ATP10A: variants seen among roughly 807,000 people sequenced by gnomAD.
ATP10A encodes the protein phospholipid-transporting ATPase VA.
A neutral mutation model predicts 147.8 loss-of-function variants in ATP10A; 111 were observed. That is an observed-to-expected ratio of 0.75 (90% confidence interval 0.64 to 0.88). The LOEUF is 0.88. Ranked by LOEUF, ATP10A falls within the 40% of genes least tolerant of loss-of-function variation. The pLI, the probability that ATP10A is intolerant of heterozygous loss-of-function variation, is 0.00. For missense variants in ATP10A, 1,927 were observed against 1,959.0 expected, an observed-to-expected ratio of 0.98 and a Z score of 0.31; for synonymous variants, 875 against 841.6, an observed-to-expected ratio of 1.04 and a Z score of -0.69.
At chr15:25,837,507 C>A (rs372605724) in intron 1 of ATP10A, among the ~76,000 whole-genome samples, 1 of 152,108 alleles carries the variant, frequency 6.6e-6, no homozygotes, top group East Asian at 1.9e-4. Flanking sequence ...GGGAGAAATG[C>A]GGAGACGGTA....
rs546629204 is a variant in ATP10A at position 25,809,258 on chromosome 15, C to T, written c.450-28035G>A. Among the ~76,000 whole-genome samples, 3 of 152,158 alleles carry T rather than the reference C, an allele frequency of 2.0e-5. No individual in the cohort carries two copies. In the East Asian group the frequency reaches 5.8e-4, roughly 30 times the overall value. ...GCCCTGCAGGATGTCACATGAAGAG[C>T]CCATGAGATGGGAGAGAGGAGCATA... On this transcript the variant is annotated intron_variant, in intron 1 of 20. Transcript: ENST00000555815.
downstream of ATP10A, chr15:25,678,011 G>C (rs567367664): frequency 6.6e-6 from 1 of 152,312 alleles, no homozygotes; most frequent in East Asian, 1.9e-4. Flanking sequence ...AAGCATCCCC[G>C]TGAACAGAGG....
At chr15:25,788,233 G>T (rs945918855) in intron 1 of ATP10A, among the ~76,000 whole-genome samples, 3 of 152,230 alleles carry the variant, frequency 2.0e-5, no homozygotes, top group Admixed American at 6.5e-5. Context: ...TAACGAGGGT[G>T]CTTCACATCT....
chr15:25,849,113 A>T (rs962960016), intron 1 of ATP10A, among the ~76,000 whole-genome samples: 1 of 151,896 alleles, frequency 6.6e-6, no homozygotes, highest in African/African-American at 2.4e-5. Flanking sequence ...AAGCAGGTTT[A>T]GAATCCATTA....
chr15:25,714,329 C>T (rs1014851539), intron 9 of ATP10A, 88 bp from the exon 10 acceptor site: 90 of 1,252,282 alleles, frequency 7.2e-5, no homozygotes, highest in Admixed American at 4.8e-4. Flanking sequence ...GCTCCAGGCA[C>T]TTGGAGGAAC....
At chr15:25,842,370 T>C (rs1168497155) in intron 1 of ATP10A, among the ~76,000 whole-genome samples, 1 of 152,200 alleles carries the variant, frequency 6.6e-6, no homozygotes, top group Non-Finnish European at 1.5e-5. Flanking sequence ...CCTCATGTCC[T>C]GAGGCCCCAG....
chr15:25,836,076 G>C (rs766700617), intron 1 of ATP10A, among the ~76,000 whole-genome samples: 2 of 152,202 alleles, frequency 1.3e-5, no homozygotes, highest in East Asian at 1.9e-4. Context: ...GGCTCCCAAA[G>C]TGCTGGGATT....
intron 1 of ATP10A, among the ~76,000 whole-genome samples, chr15:25,823,125 T>C (rs1443983615): frequency 6.6e-6 from 1 of 152,144 alleles, no homozygotes; most frequent in Non-Finnish European, 1.5e-5. Context: ...AAACAGAAAC[T>C]GGGGTTTGGG....
chr15:25,681,001 G>A lies in ATP10A; in HGVS notation c.3566C>T (p.Pro1189Leu). ...AFQSLVCFSIPYLAYYDSNVD... is the reference protein window; with the variant it reads ...AFQSLVCFSILYLAYYDSNVD... ...ACCCAGGGGCCAACTTACCAGGTAA[G>A]GAATGGAAAAGCAAACCAGGCTCTG... The change falls in exon 18 of 21, where the codon CCT (proline) becomes CTT (leucine). Residue 1189 changes from proline (P) to leucine (L), a missense_variant. Coordinates refer to ENST00000555815, the MANE Select transcript of ATP10A (RefSeq NM_024490.4). 1 of 1,614,132 alleles carries A rather than the reference G, an allele frequency of 6.2e-7. No individual in the cohort carries two copies. The highest frequency in any genetic ancestry group is 8.5e-7 in the Non-Finnish European group (1 of 1,180,012).
At chr15:25,840,213 C>T (rs1327824098) in intron 1 of ATP10A, among the ~76,000 whole-genome samples, 1 of 152,146 alleles carries the variant, frequency 6.6e-6, no homozygotes, top group East Asian at 1.9e-4. Flanking sequence ...ACACAGGTAA[C>T]AAACCTATGC....
intron 12 of ATP10A, among the ~76,000 whole-genome samples, chr15:25,705,372 C>T (rs575214598): frequency 4.0e-5 from 6 of 150,298 alleles, no homozygotes; most frequent in African/African-American, 1.5e-4. Flanking sequence ...GAAATTTGAG[C>T]TCACAATGTG....
intron 1 of ATP10A, chr15:25,861,912 CG>C (rs1268062544): frequency 4.4e-6 from 1 of 226,142 alleles, no homozygotes; most frequent in African/African-American, 2.4e-5. Flanking sequence ...ACAGGTCCGC[CG>C]GAGACTCTAA....
chr15:25,703,080 G>A (rs1040186692), intron 12 of ATP10A, among the ~76,000 whole-genome samples: 5 of 152,200 alleles, frequency 3.3e-5, no homozygotes, highest in African/African-American at 4.8e-5. Flanking sequence ...CACTGGGGTC[G>A]GGCGCGGTGG....
At position 25,723,873 on chromosome 15, in the gene ATP10A, G is replaced by C; in HGVS notation, c.1110+18C>G. On this transcript the variant is annotated intron_variant, in intron 6 of 20. Transcript: ENST00000555815. ...CATAAAAGTAAAGCAATTATTGTAC[G>C]ATACTTAGTATTGTTACCTGCAGAA... 6.4e-7 allele frequency: 1 copy of C among 1,557,446 alleles called. No homozygotes were observed. The highest frequency in any genetic ancestry group is 1.7e-4 in the Middle Eastern group (1 of 5,848).
Position 25,763,730 on chromosome 15 carries a change from T to C in ATP10A, c.654+17289A>G, listed in dbSNP as rs549512537. 2.0e-5 allele frequency among the ~76,000 whole-genome samples: 3 copies of C among 152,304 alleles called. No homozygotes were observed. In the South Asian group the frequency reaches 6.2e-4, roughly 32 times the overall value. On this transcript the variant is annotated intron_variant, in intron 2 of 20. Coordinates refer to ENST00000555815, the MANE Select transcript of ATP10A (RefSeq NM_024490.4). The stretch of plus-strand genomic sequence containing the variant: ...CAAATAAGTGCTGTTAATAATTAAC[T>C]ACTTTGCAGATGAGAGCTGGCCAGT...
At chr15:25,732,558 C>CTACATGCGACACCTTCTTTTTTTTTTTT (rs1555461688) in intron 3 of ATP10A, among the ~76,000 whole-genome samples, 6 of 84,150 alleles carry the variant, frequency 7.1e-5, no homozygotes, top group Non-Finnish European at 1.3e-4. Context: ...GCGACACCTT[C>CTACATGCGACACCTTCTTTTTTTTTTTT]TTTTTTTTTT....
At chr15:25,726,372 G>C (rs1011858332) in intron 4 of ATP10A, among the ~76,000 whole-genome samples, 4 of 151,960 alleles carry the variant, frequency 2.6e-5, no homozygotes, top group Non-Finnish European at 4.4e-5. Context: ...ACTATTCAAA[G>C]AATTTTTGCT....
In ATP10A at chr15:25,698,055, T is replaced by G. The variant is rs1900446146; in HGVS notation, c.2761-2909A>C. Reference sequence around the variant, plus strand: ...CAGCCAAGAAGAGTGTAAGGAGGCATGATGACAAAATGTAATGTAGTGTTC... The same window carrying G: ...CAGCCAAGAAGAGTGTAAGGAGGCAGGATGACAAAATGTAATGTAGTGTTC... On this transcript the variant is annotated intron_variant, in intron 13 of 20. Transcript: ENST00000555815. Among the ~76,000 whole-genome samples, 4 of 152,082 alleles carry G rather than the reference T, an allele frequency of 2.6e-5. 1 individual carries two copies. In the South Asian group the frequency reaches 6.2e-4, roughly 24 times the overall value.
At chr15:25,688,418 A>C (rs1005655177) in intron 15 of ATP10A, among the ~76,000 whole-genome samples, 7 of 152,148 alleles carry the variant, frequency 4.6e-5, no homozygotes, top group African/African-American at 1.7e-4. Context: ...GGGAGTGGAG[A>C]AGACGTTTCC....
Sources: allele counts gnomAD v4.1 joint callset (sites outside exome capture counted in the v4.1 genomes callset), GRCh38; gene constraint gnomAD v4.1.1; transcripts MANE v1.5; gene names NCBI Gene and HGNC (gene_info 2026-07-23, HGNC 2026-07-21).